Variants in DISC1 observed in about 807,000 individuals in gnomAD.
The protein encoded by DISC1 is disrupted in schizophrenia 1 protein.
In DISC1, 57 loss-of-function variants were observed where a neutral mutation model predicts 84.5. That is an observed-to-expected ratio of 0.67 (90% CI 0.55 to 0.84). The LOEUF (loss-of-function observed/expected upper bound fraction) is 0.84, where lower values mean the gene tolerates loss of function less well. Ranked by LOEUF, DISC1 falls within the 40% of genes least tolerant of loss-of-function variation. The probability of loss-of-function intolerance (pLI) is 0.00; values close to 1 mark genes in which losing one functional copy is unlikely to be tolerated. For synonymous variants in DISC1, 411 were observed against 415.2 expected (o/e 0.99, Z 0.12); for missense variants, 1,000 against 1,057.8 (o/e 0.95, Z 0.76).
intron 9 of DISC1, among the ~76,000 whole-genome samples, chr1:231,832,704 G>A (rs1289763191): frequency 3.4e-5 from 5 of 146,928 alleles, no homozygotes; most frequent in Non-Finnish European, 7.5e-5. Flanking sequence ...ATCCAGAACA[G>A]AATAATGGGC....
At chr1:231,942,040 T>G (rs940038733) in intron 9 of DISC1, among the ~76,000 whole-genome samples, 1 of 151,348 alleles carries the variant, frequency 6.6e-6, no homozygotes, top group Non-Finnish European at 1.5e-5. Flanking sequence ...AAACCAGACG[T>G]GTGATCTGGG....
At chr1:231,823,236 A>AAT (rs200573281) in intron 9 of DISC1, among the ~76,000 whole-genome samples, 1 of 131,494 alleles carries the variant, frequency 7.6e-6, no homozygotes, top group East Asian at 4.9e-4. Context: ...ATGTAGAAGA[A>AAT]ACTGATGAAA....
intron 3 of DISC1, chr1:231,720,786 A>C: frequency 8.5e-7 from 1 of 1,176,294 alleles, no homozygotes. Flanking sequence ...TCTCCCAGAT[A>C]GTCACAGGGC....
rs973491556 is a variant in DISC1, at chr1:231,694,159, G to A, written c.401G>A (p.Trp134Ter). ...GGTRLPDRLS[W>*]PCGPGSAGWQ... ...ACCAGATTGCCTGACAGGCTTAGCT[G>A]GCCGTGTGGCCCTGGGAGTGCTGGG... The change falls in exon 2 of 13, where the codon TGG becomes TAG. Residue 134 changes from tryptophan to a stop codon, truncating the protein, a stop_gained. Coordinates refer to ENST00000439617, the MANE Select transcript of DISC1 (RefSeq NM_018662.3). LOFTEE classifies it high-confidence loss of function. The A allele has an allele frequency of 6.2e-7, 1 of 1,614,066 alleles. No individual in the cohort carries two copies. The highest frequency in any genetic ancestry group is 1.3e-5 in the African/African-American group (1 of 74,942).
At chr1:231,855,530 G>A (rs1422938661) in intron 9 of DISC1, 1 of 707,964 alleles carries the variant, frequency 1.4e-6, no homozygotes, top group Non-Finnish European at 1.7e-6. Context: ...TCTTCATGAA[G>A]TAGTCCCTTT....
intron 10 of DISC1, among the ~76,000 whole-genome samples, chr1:231,990,658 G>T (rs1665083844): frequency 6.6e-6 from 1 of 152,162 alleles, no homozygotes; most frequent in East Asian, 1.9e-4. Context: ...AGTCACGTGT[G>T]GGCTTTCTTT....
chr1:231,785,221 CTGTGTGTGTG>C (rs71573141), intron 6 of DISC1, among the ~76,000 whole-genome samples: 17,978 of 136,286 alleles, frequency 0.13, 1,921 homozygotes, highest in African/African-American at 0.29. Context: ...ACAGATTTGT[CTGTGTGTGTG>C]TGTGTGTGTG....
chr1:231,842,972 C>G (rs139225344), intron 9 of DISC1, among the ~76,000 whole-genome samples: 2 of 152,120 alleles, frequency 1.3e-5, no homozygotes, highest in Non-Finnish European at 2.9e-5. Context: ...TGAGCCACTA[C>G]GTGCCGGGCT....
intron 1 of DISC1, among the ~76,000 whole-genome samples, chr1:231,642,013 G>T (rs539970849): frequency 1.3e-5 from 2 of 152,176 alleles, no homozygotes; most frequent in Non-Finnish European, 2.9e-5. Context: ...GGCGCTTGTC[G>T]GGGAGGCTCG....
At chr1:231,705,359 A>C (rs1230916218) in intron 3 of DISC1, among the ~76,000 whole-genome samples, 1 of 151,542 alleles carries the variant, frequency 6.6e-6, no homozygotes, top group Non-Finnish European at 1.5e-5. Context: ...GACAGTCCCA[A>C]AAAGGGACAA....
chr1:231,792,826 G>A (rs2125597435), intron 6 of DISC1, among the ~76,000 whole-genome samples: 1 of 152,340 alleles, frequency 6.6e-6, no homozygotes, highest in South Asian at 2.1e-4. Flanking sequence ...CCAGAGTCTA[G>A]CATTCTCCAG....
intron 9 of DISC1, among the ~76,000 whole-genome samples, chr1:231,893,459 T>C (rs1156882731): frequency 6.6e-6 from 1 of 152,236 alleles, no homozygotes; most frequent in Non-Finnish European, 1.5e-5. Flanking sequence ...TAAAAGGTTA[T>C]ATATTAGTCA....
intron 1 of DISC1, among the ~76,000 whole-genome samples, chr1:231,654,057 A>G (rs575367301): frequency 4.6e-5 from 7 of 152,138 alleles, no homozygotes; most frequent in African/African-American, 1.7e-4. Flanking sequence ...AGAAAAGGCA[A>G]TCTCTTCTCA....
chr1:231,770,694 CA>C, intron 5 of DISC1, 140 bp from the exon 6 acceptor site: 1 of 1,430,172 alleles, frequency 7.0e-7, no homozygotes, highest in Non-Finnish European at 9.5e-7. Context: ...AGCAAACCTC[CA>C]AAAATCTGCC....
At chr1:231,933,452 C>T (rs952005740) in intron 9 of DISC1, among the ~76,000 whole-genome samples, 3 of 152,214 alleles carry the variant, frequency 2.0e-5, no homozygotes, top group African/African-American at 7.2e-5. Context: ...ACCTCTAAGG[C>T]ACCTTCTCAT....
rs150953775 is a variant in DISC1, at chr1:232,009,641, A to G, written c.2307+592A>G. On this transcript the variant is annotated intron_variant, in intron 11 of 12. Transcript: ENST00000439617. The surrounding 1 kb of genome is among the most constrained non-coding windows in gnomAD (Gnocchi z 4.6). Reference sequence around the variant, plus strand: ...AGATATATGTATTACAAATTAAAATATGGTTTTATTTAACTTTCTTTTTCT... The same window carrying G: ...AGATATATGTATTACAAATTAAAATGTGGTTTTATTTAACTTTCTTTTTCT... The G allele has an allele frequency of 2.8e-4, 242 of 871,340 alleles. 2 individuals are homozygous for G. In the African/African-American group the frequency reaches 3.8e-3, roughly 14 times the overall value. 54.0% of individuals were successfully genotyped at this position (871,340 alleles called of 1,614,324 possible).
In DISC1 at chr1:231,740,618, T is replaced by G. The variant is rs544587053; in HGVS notation, c.1118-9308T>G. 3.9e-5 allele frequency among the ~76,000 whole-genome samples: 6 copies of G among 152,340 alleles called. No homozygotes were observed. The South Asian group carries it at 1.2e-3, about 32-fold the overall frequency. On this transcript the variant is annotated intron_variant, in intron 3 of 12. Coordinates refer to ENST00000439617, the MANE Select transcript of DISC1 (RefSeq NM_018662.3). ...TTTTGTATTACAGGTTGAGTACCTC[T>G]TCTATGAAATGCTTAGAACCAGAAG...
rs562238812 is a variant in DISC1, at chr1:231,888,615, T to C, written c.1981+70098T>C. ...TTAGCCGGGCATGGTGGCGGGCACC[T>C]GTAGTCCCAGCTACTCGGTGGCTGA... is the stretch of plus-strand genomic sequence containing the variant. On this transcript the variant is annotated intron_variant, in intron 9 of 12. Transcript: ENST00000439617. Among the ~76,000 whole-genome samples the C allele has an allele frequency of 2.6e-5, 4 of 151,636 alleles. No individual in the cohort carries two copies. The East Asian group carries it at 7.8e-4, about 30-fold the overall frequency.
At position 231,990,079 on chromosome 1, in the gene DISC1, A is replaced by G. The variant is rs186186198; in HGVS notation, c.2043-18706A>G. Reference sequence around the variant, plus strand: ...CTTTCCAACTCTTTCCACTTCATCAATGAGCCATGTCCATCCTCACATCAC... The same window carrying G: ...CTTTCCAACTCTTTCCACTTCATCAGTGAGCCATGTCCATCCTCACATCAC... On this transcript the variant is annotated intron_variant, in intron 10 of 12. Coordinates refer to ENST00000439617, the MANE Select transcript of DISC1 (RefSeq NM_018662.3). 3.9e-5 allele frequency among the ~76,000 whole-genome samples: 6 copies of G among 152,120 alleles called. No homozygotes were observed. The East Asian group carries it at 7.8e-4, about 20-fold the overall frequency.
Sources: gnomAD v4.1 joint callset for allele counts (sites outside exome capture counted in the v4.1 genomes callset) on GRCh38, gnomAD v4.1.1 for gene constraint, Gnocchi (gnomAD v3.1) non-coding constraint, MANE v1.5 for transcripts, NCBI Gene and HGNC (gene_info 2026-07-23, HGNC 2026-07-21) for gene names.